The following MAP2 variants were observed in gnomAD, a reference collection of about 807,000 sequenced individuals.
MAP2 encodes microtubule associated protein 2, also known as microtubule-associated protein 2.
In MAP2, 14 loss-of-function variants were observed where a neutral mutation model predicts 137.6. The observed-to-expected ratio is 0.10, with a 90% CI of 0.07 to 0.16. MAP2 has a LOEUF of 0.16. Ranked by LOEUF, MAP2 falls within the 10% of genes least tolerant of loss-of-function variation. The pLI, the probability that MAP2 is intolerant of heterozygous loss-of-function variation, is 1.00. For synonymous variants in MAP2, 786 were observed against 782.3 expected (o/e 1.00, Z -0.08); for missense variants, 2,088 against 2,191.5 (o/e 0.95, Z 0.94).
intron 2 of MAP2, among the ~76,000 whole-genome samples, chr2:209,511,680 C>G (rs1425733566): frequency 6.6e-6 from 1 of 152,008 alleles, no homozygotes; most frequent in African/African-American, 2.4e-5. Flanking sequence ...AAGTTGTCCT[C>G]TCATCTCAGC....
chr2:209,444,643 C>T (rs1559169819), intron 1 of MAP2, among the ~76,000 whole-genome samples: 1 of 151,324 alleles, frequency 6.6e-6, no homozygotes, highest in Non-Finnish European at 1.5e-5. Flanking sequence ...ATTCAAACCT[C>T]ATTACAGTAA....
chr2:209,463,283 A>G (rs536810020), intron 1 of MAP2, among the ~76,000 whole-genome samples: 3 of 152,282 alleles, frequency 2.0e-5, no homozygotes, highest in East Asian at 3.9e-4. Context: ...CTGATAAGTC[A>G]TGCTATTTCT....
At chr2:209,667,653 G>A (rs1227914246) in intron 5 of MAP2, among the ~76,000 whole-genome samples, 4 of 151,816 alleles carry the variant, frequency 2.6e-5, no homozygotes, top group African/African-American at 9.7e-5. Flanking sequence ...AATTTTCATT[G>A]TAATATTTTC....
intron 2 of MAP2, among the ~76,000 whole-genome samples, chr2:209,521,929 C>A (rs1024275122): frequency 2.0e-5 from 3 of 151,998 alleles, no homozygotes; most frequent in African/African-American, 7.2e-5. Context: ...TTAATTAAAT[C>A]ATAAATTACA....
At chr2:209,556,788 G>A (rs2070780934) in intron 2 of MAP2, among the ~76,000 whole-genome samples, 1 of 151,388 alleles carries the variant, frequency 6.6e-6, no homozygotes, top group African/African-American at 2.4e-5. Context: ...ACCCAAAAAT[G>A]TTCTAACCTA....
chr2:209,639,522 A>G (rs1255625744), intron 4 of MAP2, among the ~76,000 whole-genome samples: 1 of 152,060 alleles, frequency 6.6e-6, no homozygotes, highest in East Asian at 1.9e-4. Flanking sequence ...ATCCTTAGCC[A>G]TGTCTTCTTC....
At chr2:209,563,826 C>CA (rs141987553) in intron 2 of MAP2, among the ~76,000 whole-genome samples, 3,005 of 152,220 alleles carry the variant, frequency 0.02, 96 homozygotes, top group African/African-American at 0.068. Flanking sequence ...CTTTGCTTTG[C>CA]GTTGAAAAAA....
At chr2:209,714,552 A>AT (rs1191293098) in intron 13 of MAP2, among the ~76,000 whole-genome samples, 3 of 152,250 alleles carry the variant, frequency 2.0e-5, no homozygotes, top group South Asian at 4.1e-4. Context: ...CCCAATCAGC[A>AT]TTGGTCTGTC....
At chr2:209,647,817 T>A (rs1447123914) in intron 4 of MAP2, among the ~76,000 whole-genome samples, 1 of 152,138 alleles carries the variant, frequency 6.6e-6, no homozygotes, top group African/African-American at 2.4e-5. Context: ...GCTGGAATTT[T>A]AAAAAACCGA....
Position 209,439,375 on chromosome 2 carries a change from A to T in MAP2, c.-222+15099A>T, listed in dbSNP as rs140239820. Reference sequence around the variant, plus strand: ...TGTATGTGTGTATAAATGTGTACATATATATAATTTACAAAGGACAACTTT... The same window carrying T: ...TGTATGTGTGTATAAATGTGTACATTTATATAATTTACAAAGGACAACTTT... On this transcript the variant is annotated intron_variant, in intron 1 of 15. Transcript: ENST00000682079. Among the ~76,000 whole-genome samples the T allele has an allele frequency of 2.0e-4, 30 of 151,744 alleles. No homozygotes were observed. The East Asian group carries it at 5.4e-3, about 27-fold the overall frequency.
chr2:209,437,058 T>A (rs1696484802), intron 1 of MAP2, among the ~76,000 whole-genome samples: 1 of 151,682 alleles, frequency 6.6e-6, no homozygotes. Flanking sequence ...TACTATCAAA[T>A]TAGGACAGAT....
At chr2:209,696,826 G>A in intron 9 of MAP2, 78 bp downstream of exon 9, 2 of 1,536,502 alleles carry the variant, frequency 1.3e-6, no homozygotes, top group Non-Finnish European at 1.8e-6. Context: ...GCCTAACAGT[G>A]GTAACTAATT....
intron 1 of MAP2, among the ~76,000 whole-genome samples, chr2:209,493,968 A>G (rs2059433765): frequency 6.6e-6 from 1 of 152,216 alleles, no homozygotes; most frequent in South Asian, 2.1e-4. Context: ...ATTCTACCAT[A>G]AAGACACATG....
chr2:209,598,077 C>T (rs1297979956), intron 3 of MAP2, among the ~76,000 whole-genome samples: 1 of 152,096 alleles, frequency 6.6e-6, no homozygotes, highest in Non-Finnish European at 1.5e-5. Flanking sequence ...GCAACCTTGG[C>T]TCACTGCAAC....
At chr2:209,534,945 T>G (rs779636238) in intron 2 of MAP2, among the ~76,000 whole-genome samples, 64 of 150,962 alleles carry the variant, frequency 4.2e-4, no homozygotes, top group Non-Finnish European at 5.7e-4. Context: ...TCATTTGAAT[T>G]ATAAAATCCA....
At chr2:209,571,070 C>A (rs1398048099) in intron 2 of MAP2, among the ~76,000 whole-genome samples, 2 of 151,878 alleles carry the variant, frequency 1.3e-5, no homozygotes, top group Non-Finnish European at 2.9e-5. Flanking sequence ...AGAATGTGCC[C>A]TTACAATTTG....
At chr2:209,699,677 T>C (rs1219916671) in intron 10 of MAP2, among the ~76,000 whole-genome samples, 1 of 152,184 alleles carries the variant, frequency 6.6e-6, no homozygotes, top group African/African-American at 2.4e-5. Context: ...TGTTTTCTGT[T>C]CTTGACAAGC....
At chr2:209,553,919 C>G (rs1337225988) in intron 2 of MAP2, among the ~76,000 whole-genome samples, 1 of 152,164 alleles carries the variant, frequency 6.6e-6, no homozygotes, top group Non-Finnish European at 1.5e-5. Context: ...GTAAATACTA[C>G]TCCTGTGGCC....
rs756487671 is a variant in MAP2 at position 209,695,779 on chromosome 2, A to T, written c.3609A>T (p.Glu1203Asp). Reference protein sequence around the residue: ...QMEFIQGPKEESKETPDISIT... With the variant: ...QMEFIQGPKEDSKETPDISIT... ...AATTTATTCAGGGGCCAAAAGAAGA[A>T]AGCAAAGAGACCCCAGATATATCCA... is the stretch of plus-strand genomic sequence containing the variant. The change falls in exon 8 of 16, where the codon GAA (glutamate) becomes GAT (aspartate). Residue 1203 changes from glutamate to aspartate, a missense_variant. By Grantham distance (45) the Glu-to-Asp change is conservative (BLOSUM62 2). Coordinates refer to ENST00000682079, the MANE Select transcript of MAP2 (RefSeq NM_001375505.1). 1.2e-6 allele frequency: 2 copies of T among 1,613,920 alleles called. No individual in the cohort carries two copies. Among genetic ancestry groups the T allele is most frequent in the Non-Finnish European group, 1.7e-6 (2 of 1,179,982 alleles).
Sources: gnomAD v4.1 joint callset for allele counts (sites outside exome capture counted in the v4.1 genomes callset) on GRCh38, gnomAD v4.1.1 for gene constraint, MANE v1.5 for transcripts, NCBI Gene and HGNC (gene_info 2026-07-23, HGNC 2026-07-21) for gene names.